The following JMY variants were observed in gnomAD, a reference collection of about 807,000 sequenced individuals.
JMY encodes junction-mediating and -regulatory protein.
In JMY, 46 loss-of-function variants were observed where a neutral mutation model predicts 103.3. The observed-to-expected ratio is 0.45, with a 90% CI of 0.35 to 0.57. The LOEUF (loss-of-function observed/expected upper bound fraction) is 0.57. JMY is among the 20% of genes least tolerant of loss of function. The pLI, the probability that JMY is intolerant of heterozygous loss-of-function variation, is 0.00. For synonymous variants in JMY, 526 were observed against 489.3 expected, an observed-to-expected ratio of 1.07 and a Z score of -0.99; for missense variants, 1,238 against 1,255.2, an observed-to-expected ratio of 0.99 and a Z score of 0.21.
rs146446038 is a variant in JMY, at chr5:79,290,971, C to T, written c.1358-159C>T. 7.9e-3 allele frequency among the ~76,000 whole-genome samples: 1,194 copies of T among 152,094 alleles called. 13 individuals carry two copies. Among genetic ancestry groups the T allele is most frequent in the African/African-American group, 0.026 (1,094 of 41,494 alleles). The stretch of plus-strand genomic sequence containing the variant: ...CTGCACTCCAGCCTGGGCAACAGAG[C>T]GAGACTCCATCTCATAAAAGAAAAA... On this transcript the variant is annotated intron_variant, in intron 3 of 10. Coordinates refer to ENST00000396137, the MANE Select transcript of JMY (RefSeq NM_152405.5).
intron 6 of JMY, among the ~76,000 whole-genome samples, chr5:79,301,806 G>A (rs1223741965): frequency 1.3e-5 from 2 of 152,176 alleles, no homozygotes; most frequent in African/African-American, 2.4e-5. Flanking sequence ...AACATTGCAG[G>A]CTGGGCGCGG....
At chr5:79,305,322 T>C (rs961152263) in intron 6 of JMY, among the ~76,000 whole-genome samples, 1 of 151,984 alleles carries the variant, frequency 6.6e-6, no homozygotes, top group South Asian at 2.1e-4. Flanking sequence ...CGTGATGGCA[T>C]GCGCCTGTAG....
chr5:79,313,494 A>T (rs1223392597), intron 8 of JMY, among the ~76,000 whole-genome samples: 1 of 152,214 alleles, frequency 6.6e-6, no homozygotes, highest in Non-Finnish European at 1.5e-5. Context: ...TACTGAAAAA[A>T]ATGTATTTCT....
intron 1 of JMY, among the ~76,000 whole-genome samples, chr5:79,240,387 T>C (rs1744696539): frequency 6.6e-6 from 1 of 151,588 alleles, no homozygotes; most frequent in Non-Finnish European, 1.5e-5. Flanking sequence ...CTCAGCTCAC[T>C]GCAACCTCCA....
At position 79,277,647 on chromosome 5, in the gene JMY, A is replaced by C. The variant is rs112353401; in HGVS notation, c.1033-263A>C. On this transcript the variant is annotated intron_variant, in intron 1 of 10. Transcript: ENST00000396137. ...GAGTGAAACCCTGTCTCAAAAACAA[A>C]AAAAAAAGGAAAATAAAAAATGGGA... is the stretch of plus-strand genomic sequence containing the variant. 5.4e-3 allele frequency among the ~76,000 whole-genome samples: 822 copies of C among 151,968 alleles called. 10 individuals are homozygous for C. The highest frequency in any genetic ancestry group is 0.019 in the African/African-American group (806 of 41,446).
At chr5:79,274,608 G>T (rs1745883260) in intron 1 of JMY, among the ~76,000 whole-genome samples, 1 of 152,146 alleles carries the variant, frequency 6.6e-6, no homozygotes, top group South Asian at 2.1e-4. Context: ...GTTTCACCAT[G>T]TTGCCAAGGC....
At chr5:79,282,451 AC>A (rs1165297873) in intron 2 of JMY, among the ~76,000 whole-genome samples, 1 of 152,188 alleles carries the variant, frequency 6.6e-6, no homozygotes, top group African/African-American at 2.4e-5. Context: ...ATCTCAATAA[AC>A]GTGATTTTTT....
chr5:79,289,930 C>A (rs1022446295), intron 2 of JMY, among the ~76,000 whole-genome samples, 191 bp from the exon 3 acceptor site: 3 of 152,048 alleles, frequency 2.0e-5, no homozygotes, highest in Non-Finnish European at 1.5e-5. Flanking sequence ...GAAGAAAGGG[C>A]AAAATGGGGA....
chr5:79,312,245 TGAA>T (rs1284004665), intron 7 of JMY, among the ~76,000 whole-genome samples, 155 bp from the exon 8 acceptor site: 1 of 152,212 alleles, frequency 6.6e-6, no homozygotes, highest in Non-Finnish European at 1.5e-5. Context: ...TCATGTTTCA[TGAA>T]GTATTAAAAA....
intron 4 of JMY, among the ~76,000 whole-genome samples, chr5:79,294,577 C>G (rs921823025): frequency 2.0e-5 from 3 of 151,738 alleles, no homozygotes; most frequent in African/African-American, 7.3e-5. Flanking sequence ...TATATCAGGG[C>G]CAGGCGCAGT....
At chr5:79,259,063 G>C (rs977159809) in intron 1 of JMY, among the ~76,000 whole-genome samples, 6 of 152,104 alleles carry the variant, frequency 3.9e-5, no homozygotes, top group Non-Finnish European at 7.4e-5. Context: ...TAGCCAGCAT[G>C]TCCCGATGAG....
rs1330319925 is a variant in JMY, at chr5:79,265,276, A to AT, written c.1033-12634_1033-12633insT. 3.3e-3 allele frequency among the ~76,000 whole-genome samples: 504 copies of AT among 152,324 alleles called. 4 individuals carry two copies. Among genetic ancestry groups the AT allele is most frequent in the African/African-American group, 0.012 (486 of 41,564 alleles). On this transcript the variant is annotated intron_variant, in intron 1 of 10. Coordinates refer to ENST00000396137, the MANE Select transcript of JMY (RefSeq NM_152405.5). Reference sequence around the variant, plus strand: ...TGTTATATGTTTTAATTTTATAGATAAGTAAATTGACTACATAATTTATAT... The same window carrying AT: ...TGTTATATGTTTTAATTTTATAGATATAGTAAATTGACTACATAATTTATAT...
intron 1 of JMY, among the ~76,000 whole-genome samples, chr5:79,263,542 C>T (rs1458927505): frequency 6.6e-6 from 1 of 151,986 alleles, no homozygotes; most frequent in African/African-American, 2.4e-5. Context: ...AACAGGTGTG[C>T]GCCACTACGC....
chr5:79,317,568 A>G (rs1233036393), intron 10 of JMY, among the ~76,000 whole-genome samples: 2 of 152,242 alleles, frequency 1.3e-5, no homozygotes, highest in African/African-American at 2.4e-5. Context: ...ATTAATTATT[A>G]TTCTTTCTTG....
At chr5:79,306,244 GA>G (rs1746876850) in intron 6 of JMY, 130 bp from the exon 7 acceptor site, 1 of 630,628 alleles carries the variant, frequency 1.6e-6, no homozygotes, top group African/African-American at 1.9e-5. Context: ...GTCCAAATAA[GA>G]AACAAGAGGT....
chr5:79,302,059 GACA>G (rs1746750388), intron 6 of JMY, among the ~76,000 whole-genome samples: 1 of 121,004 alleles, frequency 8.3e-6, no homozygotes, highest in East Asian at 2.5e-4. Flanking sequence ...CTCCAGCCTG[GACA>G]ACAAGAGTGA....
intron 6 of JMY, 61 bp from the exon 7 acceptor site, chr5:79,306,314 G>A: frequency 8.7e-7 from 1 of 1,148,944 alleles, no homozygotes; most frequent in Non-Finnish European, 1.3e-6. Context: ...TTTAACCTTG[G>A]TGTGGTGTTC....
chr5:79,308,165 G>A (rs1391051874), intron 7 of JMY, among the ~76,000 whole-genome samples: 1 of 152,136 alleles, frequency 6.6e-6, no homozygotes, highest in African/African-American at 2.4e-5. Flanking sequence ...CTCATGATCT[G>A]TGGCTTGTTT....
chr5:79,285,888 C>T (rs570198128), intron 2 of JMY, among the ~76,000 whole-genome samples: 1 of 152,296 alleles, frequency 6.6e-6, no homozygotes, highest in East Asian at 1.9e-4. Context: ...TATCCAAGTG[C>T]TGTGCTTCAT....
Sources: allele counts gnomAD v4.1 joint callset (sites outside exome capture counted in the v4.1 genomes callset), GRCh38; gene constraint gnomAD v4.1.1; transcripts MANE v1.5; gene names NCBI Gene and HGNC (gene_info 2026-07-23, HGNC 2026-07-21).